The following RBMS1 variants were observed in gnomAD, a reference collection of about 807,000 sequenced individuals.
RBMS1 encodes the protein RNA binding motif single stranded interacting protein 1, also known as RNA-binding motif, single-stranded-interacting protein 1.
In RBMS1, 17 loss-of-function variants were observed where a neutral mutation model predicts 62.3. The observed-to-expected ratio is 0.27, with a 90% CI of 0.19 to 0.41. The LOEUF is 0.41. RBMS1 is among the 10% of genes least tolerant of loss of function. The pLI, the probability that RBMS1 is intolerant of heterozygous loss-of-function variation, is 1.00. For missense variants in RBMS1, 334 were observed against 504.5 expected (o/e 0.66, Z 3.24); for synonymous variants, 172 against 170.0 (o/e 1.01, Z -0.09).
At chr2:160,320,506 AG>A (rs540203387) in intron 2 of RBMS1, among the ~76,000 whole-genome samples, 20 of 152,308 alleles carry the variant, frequency 1.3e-4, no homozygotes, top group Non-Finnish European at 2.1e-4. Flanking sequence ...GTTGGAGATC[AG>A]GCTTAATGAG....
intron 2 of RBMS1, among the ~76,000 whole-genome samples, chr2:160,350,475 T>C (rs555514290): frequency 6.6e-6 from 1 of 151,710 alleles, no homozygotes; most frequent in Non-Finnish European, 1.5e-5. Context: ...ATAAAAGCAA[T>C]CCAGAAAGAC....
chr2:160,278,619 G>T lies in RBMS1; in HGVS notation c.991C>A (p.Leu331Ile). 6.2e-7 allele frequency: 1 copy of T among 1,613,634 alleles called. No homozygotes were observed. Among genetic ancestry groups the T allele is most frequent in the Non-Finnish European group, 8.5e-7 (1 of 1,179,786 alleles). ...LTPSMEHTMS[L>I]QPASMISPLA... ...GGGCTGATCATTGATGCGGGCTGTA[G>T]TGACATGGTGTGCTCCATTGAGGGA... The change falls in exon 11 of 14, where the codon CTA becomes ATA. Residue 331 changes from leucine (L) to isoleucine (I), a missense_variant. By Grantham distance (5) the Leu-to-Ile change is conservative. This residue lies in a region of RBMS1 where 182 missense variants were observed against 257.7 expected (regional missense o/e 0.71). Transcript: ENST00000348849.
At chr2:160,377,676 T>A (rs1694073538) in intron 1 of RBMS1, among the ~76,000 whole-genome samples, 2 of 152,142 alleles carry the variant, frequency 1.3e-5, no homozygotes, top group Admixed American at 1.3e-4. Flanking sequence ...CCAATAATTA[T>A]CCACTAGAAG....
chr2:160,327,260 T>C (rs1270229281), intron 2 of RBMS1, among the ~76,000 whole-genome samples: 26 of 152,224 alleles, frequency 1.7e-4, no homozygotes, highest in Admixed American at 1.7e-3. Context: ...AATAACCTTT[T>C]CTCACTAAAT....
At position 160,313,233 on chromosome 2, in the gene RBMS1, C is replaced by T. The variant is rs1415096029; in HGVS notation, c.325G>A (p.Asp109Asn). ...TGAGCTGCTGCAGGGCTGTCAAAGTCGACAAAACCATAACCTGAAATGCAA... is the reference window on the plus strand; with the variant it reads ...TGAGCTGCTGCAGGGCTGTCAAAGTTGACAAAACCATAACCTGAAATGCAA... Reference protein sequence around the residue: ...TNKCKGYGFVDFDSPAAAQKA... With the variant: ...TNKCKGYGFVNFDSPAAAQKA... Residue 109 changes from aspartate to asparagine, a missense_variant, in exon 4 of 14, where the codon GAC becomes AAC. Coordinates refer to ENST00000348849, the MANE Select transcript of RBMS1 (RefSeq NM_016836.4). 5 of 1,613,040 alleles carry T rather than the reference C, an allele frequency of 3.1e-6. No individual in the cohort carries two copies. Among genetic ancestry groups the T allele is most frequent in the East Asian group, 2.2e-5 (1 of 44,792 alleles).
intron 1 of RBMS1, among the ~76,000 whole-genome samples, chr2:160,414,749 G>A (rs1322995921): frequency 6.6e-6 from 1 of 151,584 alleles, no homozygotes; most frequent in Non-Finnish European, 1.5e-5. Context: ...AAAAATCGTT[G>A]AGTTAGCTAG....
intron 2 of RBMS1, among the ~76,000 whole-genome samples, chr2:160,344,027 T>C (rs1692037805): frequency 6.6e-6 from 1 of 152,146 alleles, no homozygotes; most frequent in Non-Finnish European, 1.5e-5. Flanking sequence ...TATTTTTCAC[T>C]GGTGTGCAAG....
chr2:160,351,093 G>A (rs538985647), intron 2 of RBMS1, among the ~76,000 whole-genome samples: 56 of 150,866 alleles, frequency 3.7e-4, no homozygotes, highest in African/African-American at 1.3e-3. Flanking sequence ...ACCAAACACC[G>A]CATGTTCTCA....
At chr2:160,337,395 A>G (rs558559606) in intron 2 of RBMS1, among the ~76,000 whole-genome samples, 43 of 152,092 alleles carry the variant, frequency 2.8e-4, no homozygotes, top group African/African-American at 9.6e-4. Flanking sequence ...CAGCCTCCCA[A>G]AGTGCTGGGA....
chr2:160,281,609 A>C (rs1489249692), intron 9 of RBMS1: 1 of 373,752 alleles, frequency 2.7e-6, no homozygotes, highest in Non-Finnish European at 4.8e-6. Context: ...AGTATCAGGC[A>C]ACAAAGAGAA....
chr2:160,489,534 T>A, intron 1 of RBMS1, among the ~76,000 whole-genome samples: 1 of 152,218 alleles, frequency 6.6e-6, no homozygotes, highest in Non-Finnish European at 1.5e-5. Context: ...AGGAATTCAA[T>A]AAAAAATGCA....
intron 1 of RBMS1, among the ~76,000 whole-genome samples, chr2:160,412,470 G>A (rs190814676): frequency 6.6e-6 from 1 of 152,206 alleles, no homozygotes; most frequent in East Asian, 1.9e-4. Flanking sequence ...ATCTAGACCT[G>A]GCTAGGGTTA....
intron 1 of RBMS1, 80 bp downstream of exon 1, chr2:160,493,209 G>T: frequency 1.5e-6 from 2 of 1,347,188 alleles, no homozygotes; most frequent in African/African-American, 1.5e-5. Flanking sequence ...TTCGCCGCGC[G>T]CCCCCCTCCC....
At chr2:160,278,507 C>T (rs1299431269) in intron 11 of RBMS1, 41 bp downstream of exon 11, 2 of 1,501,012 alleles carry the variant, frequency 1.3e-6, no homozygotes, top group Non-Finnish European at 1.8e-6. Context: ...AATTTACCCT[C>T]CTCTGTTTAC....
At chr2:160,467,046 C>T (rs1371734330) in intron 1 of RBMS1, among the ~76,000 whole-genome samples, 3 of 151,972 alleles carry the variant, frequency 2.0e-5, no homozygotes, top group Admixed American at 1.3e-4. Flanking sequence ...AAACAAGATG[C>T]GAATTATCCA....
chr2:160,351,115 G>C (rs189038416), intron 2 of RBMS1, among the ~76,000 whole-genome samples: 6 of 146,596 alleles, frequency 4.1e-5, no homozygotes, highest in African/African-American at 1.5e-4. Context: ...TCATAGGTGG[G>C]AACTGAACAA....
intron 2 of RBMS1, among the ~76,000 whole-genome samples, chr2:160,326,612 A>G (rs1690945322): frequency 6.6e-6 from 1 of 152,208 alleles, no homozygotes. Flanking sequence ...GAATGAAATC[A>G]CAAGAGCAAT....
At chr2:160,451,332 A>G (rs193097029) in intron 1 of RBMS1, among the ~76,000 whole-genome samples, 5 of 152,202 alleles carry the variant, frequency 3.3e-5, no homozygotes, top group Non-Finnish European at 1.5e-5. Flanking sequence ...TCCGTGATTA[A>G]CCCTGATGAG....
chr2:160,454,696 A>C (rs1684145387), intron 1 of RBMS1, among the ~76,000 whole-genome samples: 1 of 152,206 alleles, frequency 6.6e-6, no homozygotes, highest in African/African-American at 2.4e-5. Context: ...AACTCCTCTA[A>C]GGAGCTGGTC....
Sources: gnomAD v4.1 joint callset for allele counts (sites outside exome capture counted in the v4.1 genomes callset) on GRCh38, gnomAD v4.1.1 for gene constraint, gnomAD v4.1.1 regional missense constraint, MANE v1.5 for transcripts, NCBI Gene and HGNC (gene_info 2026-07-23, HGNC 2026-07-21) for gene names.